Variants in FBXW7 observed in about 807,000 individuals in gnomAD.
FBXW7 encodes F-box/WD repeat-containing protein 7.
Under a neutral mutation model 86.3 loss-of-function variants are expected in FBXW7, and 11 were observed. That is an observed-to-expected ratio of 0.13 (90% CI 0.08 to 0.21). The LOEUF is 0.21. FBXW7 is among the 10% of genes least tolerant of loss of function. The pLI is 1.00. For missense variants in FBXW7, 488 were observed against 847.4 expected (o/e 0.58, Z 5.27); for synonymous variants, 313 against 297.9 (o/e 1.05, Z -0.52).
At chr4:152,341,443 C>T (rs1246881619) in intron 6 of FBXW7, among the ~76,000 whole-genome samples, 1 of 152,220 alleles carries the variant, frequency 6.6e-6, no homozygotes, top group Non-Finnish European at 1.5e-5. Flanking sequence ...CAGTTCCAAA[C>T]TCATCCACCT....
At chr4:152,338,924 G>T (rs1429336889) in intron 6 of FBXW7, among the ~76,000 whole-genome samples, 1 of 152,064 alleles carries the variant, frequency 6.6e-6, no homozygotes, top group East Asian at 1.9e-4. Context: ...AAAAGATCTG[G>T]ATTTTGCCAT....
chr4:152,495,042 T>A (rs888338161), intron 2 of FBXW7, among the ~76,000 whole-genome samples: 7 of 152,210 alleles, frequency 4.6e-5, no homozygotes, highest in African/African-American at 1.7e-4. Context: ...AGGAAATTTA[T>A]ATAGTATAAG....
chr4:152,423,264 G>A (rs1268302590), intron 2 of FBXW7, among the ~76,000 whole-genome samples: 2 of 152,178 alleles, frequency 1.3e-5, no homozygotes, highest in Middle Eastern at 3.4e-3. Flanking sequence ...ATGATTTCAT[G>A]AAGAAATGCT....
At chr4:152,429,698 C>T (rs1053039986) in intron 2 of FBXW7, among the ~76,000 whole-genome samples, 2 of 152,122 alleles carry the variant, frequency 1.3e-5, no homozygotes, top group African/African-American at 2.4e-5. Context: ...GGGCAAGCAA[C>T]CTTAATCCAA....
chr4:152,438,207 AG>A (rs1400032539), intron 2 of FBXW7, among the ~76,000 whole-genome samples: 1 of 152,190 alleles, frequency 6.6e-6, no homozygotes, highest in Admixed American at 6.5e-5. Flanking sequence ...TTTTTAGTTA[AG>A]GTATGCACAC....
At chr4:152,436,499 A>G in intron 2 of FBXW7, among the ~76,000 whole-genome samples, 1 of 152,256 alleles carries the variant, frequency 6.6e-6, no homozygotes, top group Non-Finnish European at 1.5e-5. Context: ...AGTTACCTAA[A>G]AGGTCTAGCT....
chr4:152,522,725 T>G (rs1167605859), intron 2 of FBXW7, among the ~76,000 whole-genome samples: 1 of 152,228 alleles, frequency 6.6e-6, no homozygotes. Context: ...TGTTATATAC[T>G]AAGCACTGTT....
At chr4:152,503,887 T>C (rs1001979435) in intron 2 of FBXW7, among the ~76,000 whole-genome samples, 5 of 152,288 alleles carry the variant, frequency 3.3e-5, no homozygotes, top group South Asian at 2.1e-4. Context: ...ATGTAAAGAG[T>C]TGAATTGTTC....
At chr4:152,419,494 A>AACACACACACACAC (rs57894523) in intron 2 of FBXW7, among the ~76,000 whole-genome samples, 2,729 of 123,236 alleles carry the variant, frequency 0.022, 42 homozygotes, top group Middle Eastern at 0.044. Flanking sequence ...GGATAAGGTA[A>AACACACACACACAC]ACACACACAC....
At chr4:152,519,149 T>A (rs1357429202) in intron 2 of FBXW7, among the ~76,000 whole-genome samples, 6 of 151,880 alleles carry the variant, frequency 4.0e-5, no homozygotes. Context: ...ATACAAAAAA[T>A]TAGCAGGGCG....
chr4:152,443,696 A>G (rs1041249797), intron 2 of FBXW7, among the ~76,000 whole-genome samples: 1 of 152,222 alleles, frequency 6.6e-6, no homozygotes, highest in Non-Finnish European at 1.5e-5. Context: ...GTGGGTAGGT[A>G]AAGGCATATA....
intron 2 of FBXW7, among the ~76,000 whole-genome samples, chr4:152,414,986 G>A (rs1016237573): frequency 6.6e-6 from 1 of 152,118 alleles, no homozygotes; most frequent in African/African-American, 2.4e-5. Context: ...GGAGGGGGGT[G>A]TATTTTAGAC....
At chr4:152,468,733 C>CT (rs1743676455) in intron 2 of FBXW7, among the ~76,000 whole-genome samples, 1 of 152,052 alleles carries the variant, frequency 6.6e-6, no homozygotes, top group Admixed American at 6.6e-5. Flanking sequence ...ATATAAATTT[C>CT]ATCTCAATAA....
intron 4 of FBXW7, among the ~76,000 whole-genome samples, 170 bp from the exon 5 acceptor site, chr4:152,350,294 C>T (rs1030885414): frequency 6.6e-6 from 1 of 151,522 alleles, no homozygotes; most frequent in Admixed American, 6.6e-5. Flanking sequence ...CTTTGTTTTA[C>T]TCTGAATGGA....
intron 4 of FBXW7, among the ~76,000 whole-genome samples, chr4:152,391,375 T>C (rs1025739720): frequency 3.3e-5 from 5 of 152,210 alleles, no homozygotes; most frequent in African/African-American, 1.2e-4. Flanking sequence ...GTAGCTGAGG[T>C]TTAAATTAAG....
intron 2 of FBXW7, among the ~76,000 whole-genome samples, chr4:152,490,944 A>G (rs1286224413): frequency 6.6e-6 from 1 of 152,146 alleles, no homozygotes; most frequent in East Asian, 1.9e-4. Flanking sequence ...ACTAATAGTC[A>G]AAGGAAGAAG....
chr4:152,379,463 CACAA>C (rs1734855083), intron 4 of FBXW7, among the ~76,000 whole-genome samples: 1 of 152,002 alleles, frequency 6.6e-6, no homozygotes, highest in African/African-American at 2.4e-5. Context: ...TCTGAGAAAA[CACAA>C]ACAAATTATG....
At chr4:152,470,888 G>A (rs1365054564) in intron 2 of FBXW7, among the ~76,000 whole-genome samples, 2 of 151,980 alleles carry the variant, frequency 1.3e-5, no homozygotes, top group South Asian at 2.1e-4. Flanking sequence ...CTACCAGTAT[G>A]ACTCCTCAAA....
intron 2 of FBXW7, among the ~76,000 whole-genome samples, chr4:152,508,191 A>G (rs1747606352): frequency 6.6e-6 from 1 of 152,170 alleles, no homozygotes; most frequent in Admixed American, 6.5e-5. Flanking sequence ...CAAAATAAAT[A>G]ATGATGATAA....
Sources: allele counts gnomAD v4.1 joint callset (sites outside exome capture counted in the v4.1 genomes callset), GRCh38; gene constraint gnomAD v4.1.1; transcripts MANE v1.5; gene names NCBI Gene and HGNC (gene_info 2026-07-23, HGNC 2026-07-21).